The following PDE1C variants were observed in gnomAD, a reference collection of about 807,000 sequenced individuals.
PDE1C encodes dual specificity calcium/calmodulin-dependent 3',5'-cyclic nucleotide phosphodiesterase 1C.
A neutral mutation model predicts 93.1 loss-of-function variants in PDE1C; 62 were observed. The ratio of observed to expected loss-of-function variants is 0.67; its 90% confidence interval spans 0.54 to 0.82. The LOEUF (loss-of-function observed/expected upper bound fraction) is 0.82, where lower values mean the gene tolerates loss of function less well. PDE1C is among the 40% of genes least tolerant of loss of function. The pLI is 0.00. For synonymous variants in PDE1C, 325 were observed against 310.1 expected (o/e 1.05, Z -0.50); for missense variants, 742 against 884.6 (o/e 0.84, Z 2.04).
the PDE1C span, among the ~76,000 whole-genome samples, chr7:31,682,519 T>G: frequency 6.6e-6 from 1 of 152,194 alleles, no homozygotes; most frequent in Non-Finnish European, 1.5e-5. Context: ...GCCACATTGC[T>G]GGTGGAAATG....
intron 3 of PDE1C, among the ~76,000 whole-genome samples, chr7:32,160,579 C>T (rs141966960): frequency 1.1e-3 from 174 of 152,286 alleles, no homozygotes; most frequent in African/African-American, 3.8e-3. Flanking sequence ...TGGTGGCTCA[C>T]GCCTGTGATC....
intron 10 of PDE1C, 50 bp downstream of exon 10, chr7:31,837,820 C>A: frequency 1.7e-6 from 2 of 1,154,380 alleles, no homozygotes; most frequent in Non-Finnish European, 2.6e-6. Flanking sequence ...TAGACGAGGA[C>A]CCATTCAAAC....
chr7:32,017,555 A>G (rs986754390), intron 2 of PDE1C, among the ~76,000 whole-genome samples: 1 of 152,202 alleles, frequency 6.6e-6, no homozygotes, highest in Non-Finnish European at 1.5e-5. Context: ...AAGAAAGTAA[A>G]AAGAAAAAGC....
intron 2 of PDE1C, among the ~76,000 whole-genome samples, chr7:31,991,995 T>G (rs1784197313): frequency 6.6e-6 from 1 of 152,098 alleles, no homozygotes; most frequent in South Asian, 2.1e-4. Flanking sequence ...TCCAGACCTA[T>G]CTGGGTTAAT....
At chr7:31,894,269 C>T (rs1798997056) in intron 2 of PDE1C, among the ~76,000 whole-genome samples, 1 of 152,164 alleles carries the variant, frequency 6.6e-6, no homozygotes, top group Non-Finnish European at 1.5e-5. Context: ...TTTCTCCATA[C>T]CAGGTGATGC....
At chr7:32,186,248 G>A (rs1013093970) in intron 2 of PDE1C, among the ~76,000 whole-genome samples, 64 of 151,790 alleles carry the variant, frequency 4.2e-4, no homozygotes, top group African/African-American at 1.5e-3. Flanking sequence ...GACTACAGGC[G>A]CCCGCCACCG....
the PDE1C span, among the ~76,000 whole-genome samples, chr7:31,665,663 G>T: frequency 6.6e-6 from 1 of 152,114 alleles, no homozygotes; most frequent in South Asian, 2.1e-4. Flanking sequence ...AAATTAGTTT[G>T]ATCTCTCCTG....
Position 32,396,008 on chromosome 7 carries a change from C to T in PDE1C, c.310+31814G>A, listed in dbSNP as rs543424967. On this transcript the variant is annotated intron_variant, in intron 1 of 1. Coordinates refer to the PDE1C transcript ENST00000672256. The stretch of plus-strand genomic sequence containing the variant: ...GTCCCTAAATTAATTTAAAAGTGAA[C>T]GCAATCACAATAAAAATATCAACAA... 6.6e-5 allele frequency among the ~76,000 whole-genome samples: 10 copies of T among 151,960 alleles called. No homozygotes were observed. The East Asian group carries it at 9.7e-4, about 15-fold the overall frequency.
At chr7:32,028,424 C>A (rs947317441) in intron 2 of PDE1C, among the ~76,000 whole-genome samples, 3 of 152,090 alleles carry the variant, frequency 2.0e-5, no homozygotes, top group Admixed American at 1.3e-4. Flanking sequence ...TGAGTCACAC[C>A]TTCAATCTAT....
chr7:31,975,082 A>G (rs1811478645), intron 2 of PDE1C, among the ~76,000 whole-genome samples: 1 of 151,992 alleles, frequency 6.6e-6, no homozygotes. Context: ...CCTATATTCT[A>G]TTTACTGAGC....
chr7:32,080,309 C>G (rs1379315729), intron 3 of PDE1C, among the ~76,000 whole-genome samples: 1 of 152,136 alleles, frequency 6.6e-6, no homozygotes, highest in Non-Finnish European at 1.5e-5. Flanking sequence ...TCCCTCCAAC[C>G]CCCTATGCCT....
intron 1 of PDE1C, among the ~76,000 whole-genome samples, chr7:32,209,853 C>G (rs889544533): frequency 2.0e-5 from 3 of 152,160 alleles, no homozygotes; most frequent in African/African-American, 7.2e-5. Context: ...GCACACACAC[C>G]AGCTTCCAAG....
At chr7:32,084,661 C>A (rs1796947711) in intron 3 of PDE1C, among the ~76,000 whole-genome samples, 1 of 149,832 alleles carries the variant, frequency 6.7e-6, no homozygotes, top group South Asian at 2.2e-4. Flanking sequence ...TCTCTCAGAC[C>A]ACAGTACAAT....
chr7:31,964,144 A>G (rs1809499890), intron 2 of PDE1C, among the ~76,000 whole-genome samples: 2 of 152,248 alleles, frequency 1.3e-5, no homozygotes, highest in East Asian at 3.9e-4. Context: ...TGCGTGAGCC[A>G]AAGCACGGCA....
chr7:31,956,856 G>T (rs1808221888), intron 2 of PDE1C, among the ~76,000 whole-genome samples: 1 of 152,008 alleles, frequency 6.6e-6, no homozygotes, highest in Non-Finnish European at 1.5e-5. Flanking sequence ...AGAAACAGGA[G>T]GACCAATTTA....
At chr7:32,222,115 C>T (rs1002109241) in intron 1 of PDE1C, among the ~76,000 whole-genome samples, 1 of 152,172 alleles carries the variant, frequency 6.6e-6, no homozygotes, top group African/African-American at 2.4e-5. Context: ...TATACACGCA[C>T]ACACACAAAT....
chr7:32,152,413 T>A (rs1183782113), intron 3 of PDE1C, among the ~76,000 whole-genome samples: 1 of 152,180 alleles, frequency 6.6e-6, no homozygotes, highest in East Asian at 1.9e-4. Context: ...AGCATAGGCA[T>A]CCTCTGGCTT....
chr7:32,290,745 G>C (rs1047984061), intron 1 of PDE1C, among the ~76,000 whole-genome samples: 2 of 152,122 alleles, frequency 1.3e-5, no homozygotes, highest in African/African-American at 4.8e-5. Flanking sequence ...AATCCTGAAA[G>C]ATGTTAACCT....
intron 1 of PDE1C, 51 bp downstream of exon 1, chr7:32,070,242 A>T: frequency 6.2e-7 from 1 of 1,611,812 alleles, no homozygotes; most frequent in Non-Finnish European, 8.5e-7. Context: ...GTGTGGTAAA[A>T]TAAGGATGGG....
Sources: allele counts gnomAD v4.1 joint callset (sites outside exome capture counted in the v4.1 genomes callset), GRCh38; gene constraint gnomAD v4.1.1; transcripts MANE v1.5; gene names NCBI Gene and HGNC (gene_info 2026-07-23, HGNC 2026-07-21).